Variants in PCM1 observed in about 807,000 individuals in gnomAD.
The protein encoded by PCM1 is pericentriolar material 1.
Under a neutral mutation model 241.9 loss-of-function variants are expected in PCM1, and 157 were observed. The ratio of observed to expected loss-of-function variants is 0.65; its 90% CI spans 0.57 to 0.74. The LOEUF (loss-of-function observed/expected upper bound fraction) is 0.74. Ranked by LOEUF, PCM1 falls within the 30% of genes least tolerant of loss-of-function variation. The probability of loss-of-function intolerance (pLI) is 0.00; values close to 1 mark genes in which losing one functional copy is unlikely to be tolerated. For synonymous variants in PCM1, 1,085 were observed against 784.9 expected (o/e 1.38, Z -6.39); for missense variants, 3,478 against 2,360.1 (o/e 1.47, Z -9.81).
At chr8:18,010,991 C>A (rs368758650) in intron 32 of PCM1, among the ~76,000 whole-genome samples, 11 of 152,122 alleles carry the variant, frequency 7.2e-5, no homozygotes, top group African/African-American at 2.7e-4. Context: ...AAAAAGCCTA[C>A]AAATAATGCT....
At chr8:18,025,507 T>A in intron 37 of PCM1, 37 bp from the exon 38 acceptor site, 1 of 1,532,226 alleles carries the variant, frequency 6.5e-7, no homozygotes, top group Non-Finnish European at 9.0e-7. Flanking sequence ...ACTGTTAAAA[T>A]GAAAAATGAT....
At chr8:17,926,206 A>G (rs2056884339) in intron 2 of PCM1, 1 of 152,212 alleles carries the variant, frequency 6.6e-6, no homozygotes, top group African/African-American at 2.4e-5. Context: ...TAAGACGAAT[A>G]AAAATAAAGG....
intron 6 of PCM1, among the ~76,000 whole-genome samples, chr8:17,942,780 G>A (rs1456044309): frequency 1.3e-5 from 2 of 152,152 alleles, no homozygotes; most frequent in Admixed American, 6.5e-5. Flanking sequence ...CGGATCACGA[G>A]GTCAGGAGAT....
In PCM1 at chr8:17,961,893, C is replaced by T. The variant is rs552646015; in HGVS notation, c.2323-141C>T. On this transcript the variant is annotated intron_variant, in intron 15 of 38. Coordinates refer to ENST00000325083, the MANE Select transcript of PCM1 (RefSeq NM_006197.4). ...TTGTTTTCTTATTTCATGTTATCTT[C>T]GGATGATGATGGAAGTCAGGGTCTG... The T allele has an allele frequency of 5.0e-5, 30 of 599,468 alleles. 1 individual carries two copies. The highest frequency in any genetic ancestry group is 2.9e-4 in the Middle Eastern group (1 of 3,408). The allele number at this position is 599,468 out of a possible 1,614,324, so 37.1% of individuals were successfully genotyped here. A position where few individuals can be genotyped will look rare whatever the true frequency, so the allele number is the denominator to read the frequency against.
Position 17,964,578 on chromosome 8 carries a change from A to C in PCM1, c.2665A>C (p.Thr889Pro). The part of the protein sequence containing the change: ...QQSRTEKTMA[T>P]WGGSTQCALD... ...TCTCTTAATCACTAGAACGATGGCAACTTGGGGAGGGTCTACCCAGTGTGC... is the reference window on the plus strand; with the variant it reads ...TCTCTTAATCACTAGAACGATGGCACCTTGGGGAGGGTCTACCCAGTGTGC... The change falls in exon 18 of 39, where the codon ACT (threonine) becomes CCT (proline). Residue 889 changes from threonine (T) to proline (P), a missense_variant. By Grantham distance (38) the Thr-to-Pro change is conservative. Transcript: ENST00000325083. The C allele has an allele frequency of 6.2e-7, 1 of 1,612,800 alleles. No homozygotes were observed. Among genetic ancestry groups the C allele is most frequent in the African/African-American group, 1.3e-5 (1 of 75,012 alleles).
At chr8:18,005,358 T>TTG (rs1491194730) in intron 29 of PCM1, among the ~76,000 whole-genome samples, 3 of 33,628 alleles carry the variant, frequency 8.9e-5, no homozygotes, top group African/African-American at 2.3e-4. Context: ...GTTGTTGTTG[T>TTG]TTTTTTTTTT....
At chr8:17,984,759 T>G (rs1445720371) in intron 24 of PCM1, among the ~76,000 whole-genome samples, 1 of 151,938 alleles carries the variant, frequency 6.6e-6, no homozygotes, top group African/African-American at 2.4e-5. Flanking sequence ...ACAAGTAAAT[T>G]TAGCCGAATT....
chr8:17,950,695 C>A lies in PCM1; in HGVS notation c.1042C>A (p.Arg348Ser). ...TGAAGAATTGAATGACTTAATTCAG[C>A]GTTTTCATAATCAGCTTCGTGATTC... ...LNEELNDLIQ[R>S]FHNQLRDSQP... is the part of the protein sequence containing the mutation. The change falls in exon 8 of 39, where the codon CGT (arginine) becomes AGT (serine). Residue 348 changes from arginine to serine, a missense_variant. Physicochemically the swap from Arg to Ser is moderately radical, Grantham distance 110. Coordinates refer to ENST00000325083, the MANE Select transcript of PCM1 (RefSeq NM_006197.4). 1.3e-6 allele frequency: 2 copies of A among 1,595,972 alleles called. No homozygotes were observed. Among genetic ancestry groups the A allele is most frequent in the Non-Finnish European group, 1.7e-6 (2 of 1,168,226 alleles).
chr8:17,926,257 A>G (rs1051256504), intron 2 of PCM1: 17 of 152,178 alleles, frequency 1.1e-4, no homozygotes, highest in African/African-American at 3.1e-4. Context: ...GGGTTTTTTC[A>G]ATAGGAGATT....
chr8:17,962,286 TA>T, intron 16 of PCM1, 112 bp downstream of exon 16: 1 of 831,066 alleles, frequency 1.2e-6, no homozygotes, highest in Non-Finnish European at 1.8e-6. Flanking sequence ...AACATGTTTG[TA>T]AATAGTAGTC....
intron 2 of PCM1, among the ~76,000 whole-genome samples, chr8:17,932,032 A>G (rs2129447622): frequency 6.6e-6 from 1 of 152,284 alleles, no homozygotes; most frequent in South Asian, 2.1e-4. Flanking sequence ...AAATTTATGT[A>G]TAATTTTTCA....
chr8:17,946,893 T>C (rs976935415), intron 6 of PCM1, among the ~76,000 whole-genome samples: 1 of 149,192 alleles, frequency 6.7e-6, no homozygotes, highest in Admixed American at 6.7e-5. Flanking sequence ...GTGTCCCTCT[T>C]GGCCTTTTAT....
chr8:17,931,195 G>A (rs1301653796), intron 2 of PCM1, among the ~76,000 whole-genome samples: 3 of 152,104 alleles, frequency 2.0e-5, no homozygotes, highest in Non-Finnish European at 2.9e-5. Flanking sequence ...GTTCAAAGTC[G>A]TTAGCCAGAA....
Position 17,957,591 on chromosome 8 carries a change from A to C in PCM1, c.1856A>C (p.Glu619Ala). The change falls in exon 13 of 39, where the codon GAA (glutamate) becomes GCA (alanine). Residue 619 changes from glutamate (E) to alanine (A), a missense_variant. Transcript: ENST00000325083. Reference sequence around the variant, plus strand: ...CAGGAGATTCATGTTGCACAAGGTGAAGATGATGAGGAGGAGGAGGAAGAA... The same window carrying C: ...CAGGAGATTCATGTTGCACAAGGTGCAGATGATGAGGAGGAGGAGGAAGAA... Reference protein sequence around the residue: ...GEQEIHVAQGEDDEEEEEEAE... With the variant: ...GEQEIHVAQGADDEEEEEEAE... 1 of 1,573,124 alleles carries C rather than the reference A, an allele frequency of 6.4e-7. No individual in the cohort carries two copies. Among genetic ancestry groups the C allele is most frequent in the African/African-American group, 1.4e-5 (1 of 73,872 alleles).
intron 1 of PCM1, among the ~76,000 whole-genome samples, chr8:17,923,500 C>T (rs777931072): frequency 6.6e-6 from 1 of 152,196 alleles, no homozygotes; most frequent in Non-Finnish European, 1.5e-5. Context: ...CCGGTGGCTC[C>T]GGCTATACCC....
intron 9 of PCM1, among the ~76,000 whole-genome samples, chr8:17,954,201 G>A (rs541922681): frequency 6.6e-5 from 10 of 152,316 alleles, no homozygotes; most frequent in African/African-American, 2.4e-4. Context: ...GCTGAGGCGG[G>A]TGGATCACCT....
At chr8:17,988,636 T>TA (rs2083411873) in intron 26 of PCM1, among the ~76,000 whole-genome samples, 4 of 151,948 alleles carry the variant, frequency 2.6e-5, no homozygotes, top group Admixed American at 2.6e-4. Flanking sequence ...AACTGTCTGA[T>TA]ATATAGACTG....
At chr8:17,946,743 C>G (rs1389086909) in intron 6 of PCM1, among the ~76,000 whole-genome samples, 1 of 152,080 alleles carries the variant, frequency 6.6e-6, no homozygotes, top group Non-Finnish European at 1.5e-5. Context: ...ATCTGCCCAC[C>G]TCGGCCTCCC....
chr8:17,960,053 T>G lies in PCM1; in HGVS notation c.2080T>G (p.Ser694Ala). Residue 694 changes from serine (S) to alanine (A), a missense_variant, in exon 14 of 39, where the codon TCA (serine) becomes GCA (alanine). Coordinates refer to ENST00000325083, the MANE Select transcript of PCM1 (RefSeq NM_006197.4). ...AAQGVISASA[S>A]NLDDFYPAEE... is the part of the protein sequence containing the mutation. The stretch of plus-strand genomic sequence containing the variant: ...TCAAGGAGTTATCTCTGCCAGTGCA[T>G]CAAATTTGGATGATTTCTACCCAGC... 6.2e-7 allele frequency: 1 copy of G among 1,612,678 alleles called. No homozygotes were observed.
Sources: allele counts gnomAD v4.1 joint callset (sites outside exome capture counted in the v4.1 genomes callset), GRCh38; gene constraint gnomAD v4.1.1; transcripts MANE v1.5; gene names NCBI Gene and HGNC (gene_info 2026-07-23, HGNC 2026-07-21).